Variants in DPP10 observed in about 807,000 individuals in gnomAD.
The protein encoded by DPP10 is inactive dipeptidyl peptidase 10.
In DPP10, 33 loss-of-function variants were observed where a neutral mutation model predicts 120.9. That is an observed-to-expected ratio of 0.27 (90% CI 0.21 to 0.37). The LOEUF (loss-of-function observed/expected upper bound fraction) is 0.37. DPP10 is among the 10% of genes least tolerant of loss of function. The pLI is 1.00. For synonymous variants in DPP10, 337 were observed against 326.1 expected, an observed-to-expected ratio of 1.03 and a Z score of -0.36; for missense variants, 816 against 942.8, an observed-to-expected ratio of 0.87 and a Z score of 1.76.
chr2:114,594,568 T>C (rs1334192148), intron 1 of DPP10, among the ~76,000 whole-genome samples: 1 of 148,036 alleles, frequency 6.8e-6, no homozygotes, highest in Non-Finnish European at 1.5e-5. Flanking sequence ...TATGTATACA[T>C]ATATACATAT....
At chr2:115,367,921 T>A (rs2106382858) in intron 3 of DPP10, among the ~76,000 whole-genome samples, 1 of 152,212 alleles carries the variant, frequency 6.6e-6, no homozygotes, top group African/African-American at 2.4e-5. Flanking sequence ...ACATTTCTAA[T>A]TGAAAACAGT....
intron 1 of DPP10, among the ~76,000 whole-genome samples, chr2:115,004,628 G>T (rs1284219888): frequency 6.6e-6 from 1 of 152,154 alleles, no homozygotes; most frequent in East Asian, 1.9e-4. Flanking sequence ...GGAAAATCGG[G>T]TCACTCCCAC....
At position 115,045,424 on chromosome 2, in the gene DPP10, A is replaced by G. The variant is rs1704988629; in HGVS notation, c.61-263815A>G. Among the ~76,000 whole-genome samples, 5 of 152,182 alleles carry G rather than the reference A, an allele frequency of 3.3e-5. 1 individual carries two copies. Among genetic ancestry groups the G allele is most frequent in the Admixed American group, 3.3e-4 (5 of 15,272 alleles). Reference sequence around the variant, plus strand: ...TATTTGGGTTAAATATCAGCGTTCTATAAATTTCCTGTACTTGAATGTTGA... The same window carrying G: ...TATTTGGGTTAAATATCAGCGTTCTGTAAATTTCCTGTACTTGAATGTTGA... On this transcript the variant is annotated intron_variant, in intron 1 of 25. Coordinates refer to ENST00000410059, the MANE Select transcript of DPP10 (RefSeq NM_020868.6).
intron 1 of DPP10, among the ~76,000 whole-genome samples, chr2:115,078,762 T>TTTTA (rs1707999202): frequency 6.6e-6 from 1 of 152,174 alleles, no homozygotes; most frequent in Non-Finnish European, 1.5e-5. Context: ...GCAAACTTGA[T>TTTTA]TTTAAAAAGT....
At chr2:114,639,119 T>A (rs1450007228) in intron 1 of DPP10, among the ~76,000 whole-genome samples, 2 of 151,830 alleles carry the variant, frequency 1.3e-5, no homozygotes, top group African/African-American at 4.9e-5. Flanking sequence ...TAAGACTGGG[T>A]AATTTATAAA....
chr2:115,839,114 A>G (rs1392645864), intron 24 of DPP10, among the ~76,000 whole-genome samples: 1 of 152,204 alleles, frequency 6.6e-6, no homozygotes, highest in Non-Finnish European at 1.5e-5. Context: ...TACCTCTGTC[A>G]TTGACCTTAT....
chr2:114,894,727 G>A (rs1166853640), intron 1 of DPP10, among the ~76,000 whole-genome samples: 1 of 151,938 alleles, frequency 6.6e-6, no homozygotes, highest in Non-Finnish European at 1.5e-5. Flanking sequence ...AATGAACCAA[G>A]TCTAAAATCT....
chr2:114,976,845 A>G (rs943339638), intron 1 of DPP10, among the ~76,000 whole-genome samples: 1 of 151,974 alleles, frequency 6.6e-6, no homozygotes, highest in Non-Finnish European at 1.5e-5. Context: ...TACTTTCCTC[A>G]TTACTATTTT....
intron 3 of DPP10, among the ~76,000 whole-genome samples, chr2:115,377,015 T>G (rs371983635): frequency 6.6e-6 from 1 of 150,826 alleles, no homozygotes; most frequent in African/African-American, 2.4e-5. Context: ...TAAACATACA[T>G]GTGCATGTGT....
intron 1 of DPP10, among the ~76,000 whole-genome samples, chr2:114,631,372 C>T (rs1423964816): frequency 2.0e-5 from 3 of 152,080 alleles, no homozygotes; most frequent in Non-Finnish European, 4.4e-5. Context: ...CCCTGCTCTA[C>T]CCCGCCTCTA....
chr2:115,326,704 T>A (rs1164716507), intron 2 of DPP10, among the ~76,000 whole-genome samples: 2 of 152,018 alleles, frequency 1.3e-5, no homozygotes, highest in East Asian at 3.9e-4. Flanking sequence ...TGTGTTTATG[T>A]CTTTGTTTTT....
intron 1 of DPP10, among the ~76,000 whole-genome samples, chr2:114,971,220 G>T (rs4849366): frequency 0.18 from 27,680 of 151,994 alleles, 2,663 homozygotes; most frequent in Admixed American, 0.25. Context: ...AAATTTTGAG[G>T]TCACATTTGG....
intron 3 of DPP10, among the ~76,000 whole-genome samples, chr2:115,384,483 A>G (rs2066716272): frequency 6.6e-6 from 1 of 150,916 alleles, no homozygotes; most frequent in African/African-American, 2.4e-5. Context: ...AAGAAGGAAG[A>G]AGAAGAAGAA....
intron 1 of DPP10, among the ~76,000 whole-genome samples, chr2:114,476,617 A>G (rs1333962398): frequency 6.6e-6 from 1 of 152,208 alleles, no homozygotes; most frequent in Non-Finnish European, 1.5e-5. Flanking sequence ...CATTTATATA[A>G]TCATTGAATC....
At chr2:115,683,035 A>G (rs559140178) in intron 5 of DPP10, among the ~76,000 whole-genome samples, 2 of 151,970 alleles carry the variant, frequency 1.3e-5, no homozygotes, top group South Asian at 4.1e-4. Context: ...TGGTTTTGTG[A>G]CGGTCAGTTT....
chr2:114,896,534 T>C (rs1223827972), intron 1 of DPP10, among the ~76,000 whole-genome samples: 3 of 152,052 alleles, frequency 2.0e-5, no homozygotes, highest in Admixed American at 6.6e-5. Flanking sequence ...TGGCTCTCTG[T>C]TTGTCTGTTA....
At chr2:115,520,059 C>T (rs1356089514) in intron 4 of DPP10, among the ~76,000 whole-genome samples, 1 of 152,168 alleles carries the variant, frequency 6.6e-6, no homozygotes, top group Non-Finnish European at 1.5e-5. Context: ...TGGCTCACGC[C>T]TGCAATCCCA....
At chr2:115,099,616 T>C (rs7581448) in intron 1 of DPP10, among the ~76,000 whole-genome samples, 31,274 of 152,054 alleles carry the variant, frequency 0.21, 3,957 homozygotes, top group East Asian at 0.36. Flanking sequence ...CAGTGAGCTA[T>C]GAGTCACTGG....
At chr2:114,814,397 T>A (rs953213049) in intron 1 of DPP10, among the ~76,000 whole-genome samples, 11 of 148,748 alleles carry the variant, frequency 7.4e-5, no homozygotes, top group African/African-American at 2.7e-4. Flanking sequence ...GATCTTAGGC[T>A]TTTTTTTTTC....
Sources: gnomAD v4.1 joint callset for allele counts (sites outside exome capture counted in the v4.1 genomes callset) on GRCh38, gnomAD v4.1.1 for gene constraint, MANE v1.5 for transcripts, NCBI Gene and HGNC (gene_info 2026-07-23, HGNC 2026-07-21) for gene names.